RGS6: variants seen among roughly 807,000 people sequenced by gnomAD.
RGS6 encodes the protein regulator of G-protein signaling 6.
RGS6 carries 30 observed loss-of-function variants against 78.5 expected under a neutral mutation model. That is an observed-to-expected ratio of 0.38 (90% confidence interval 0.29 to 0.52). RGS6 has a LOEUF of 0.52. Among genes scored for constraint, RGS6 ranks in the 20% least tolerant of loss-of-function variants. The probability of loss-of-function intolerance (pLI) is 0.85; values close to 1 mark genes in which losing one functional copy is unlikely to be tolerated. For synonymous variants in RGS6, 206 were observed against 206.0 expected (o/e 1.00, Z 0.00); for missense variants, 495 against 609.7 (o/e 0.81, Z 1.98).
intron 2 of RGS6, among the ~76,000 whole-genome samples, chr14:72,016,522 C>T (rs187157543): frequency 7.9e-5 from 12 of 152,220 alleles, no homozygotes; most frequent in South Asian, 4.2e-4. Context: ...CCTGCCACCA[C>T]GCCCGGCTAA....
intron 2 of RGS6, among the ~76,000 whole-genome samples, chr14:72,069,163 G>A (rs944366112): frequency 3.3e-5 from 5 of 151,794 alleles, no homozygotes; most frequent in African/African-American, 1.2e-4. Context: ...AGTAGAGATG[G>A]GGTTTCACCA....
chr14:72,297,433 T>TATTATTATTA lies in RGS6; in HGVS notation c.85-54662_85-54661insATTATTATTA, dbSNP rs1390646561. ...GTATATATTATTATTATTATTATTT[T>TATTATTATTA]TTTTTTATACTTTAAGTTTTAGGGT... On this transcript the variant is annotated intron_variant, in intron 2 of 17. Transcript: ENST00000553525. Among the ~76,000 whole-genome samples, 115 of 146,972 alleles carry TATTATTATTA rather than the reference T, an allele frequency of 7.8e-4. 1 individual carries two copies. The highest frequency in any genetic ancestry group is 2.9e-3 in the African/African-American group (110 of 37,438).
the RGS6 span, among the ~76,000 whole-genome samples, chr14:72,592,667 G>T: frequency 1.3e-5 from 2 of 152,190 alleles, no homozygotes; most frequent in Admixed American, 1.3e-4. Flanking sequence ...TGTGCTGTGG[G>T]CCTCACCCTT....
chr14:72,334,435 C>G (rs548066135), intron 2 of RGS6, among the ~76,000 whole-genome samples: 6 of 152,188 alleles, frequency 3.9e-5, no homozygotes, highest in Non-Finnish European at 7.3e-5. Flanking sequence ...GGGCTCTGCT[C>G]CCTCCCTTCC....
intron 17 of RGS6, among the ~76,000 whole-genome samples, chr14:72,546,441 G>C (rs2097404643): frequency 6.6e-6 from 1 of 152,192 alleles, no homozygotes; most frequent in African/African-American, 2.4e-5. Flanking sequence ...GCCAGAAGTT[G>C]GTTGTCATTT....
the RGS6 span, among the ~76,000 whole-genome samples, chr14:71,926,585 GA>G: frequency 0.012 from 635 of 51,248 alleles, 5 homozygotes; most frequent in African/African-American, 0.034. Flanking sequence ...CTCTGTCTCA[GA>G]AAAAAAAAAA....
At chr14:72,383,213 T>TATATAC (rs1387301746) in intron 3 of RGS6, among the ~76,000 whole-genome samples, 6,156 of 117,610 alleles carry the variant, frequency 0.052, 441 homozygotes, top group Non-Finnish European at 0.061. Flanking sequence ...TATATATATA[T>TATATAC]ACACACAAAC....
At chr14:72,489,158 C>G (rs1004351034) in intron 12 of RGS6, among the ~76,000 whole-genome samples, 1 of 148,264 alleles carries the variant, frequency 6.7e-6, no homozygotes, top group African/African-American at 2.5e-5. Context: ...CAAAGGGGGC[C>G]CCCCCACCGG....
At chr14:72,605,737 C>A in the RGS6 span, among the ~76,000 whole-genome samples, 1 of 152,134 alleles carries the variant, frequency 6.6e-6, no homozygotes, top group Non-Finnish European at 1.5e-5. Context: ...AAGGGAGAAG[C>A]CCCAAGTGGA....
At chr14:72,420,132 GAAGT>G (rs776247143) in intron 3 of RGS6, among the ~76,000 whole-genome samples, 3 of 152,360 alleles carry the variant, frequency 2.0e-5, no homozygotes, top group South Asian at 4.1e-4. Flanking sequence ...GTTCGTGGCA[GAAGT>G]AAGTCTCAAA....
intron 2 of RGS6, among the ~76,000 whole-genome samples, chr14:72,175,279 A>G (rs1368604149): frequency 1.3e-5 from 2 of 152,188 alleles, no homozygotes; most frequent in Non-Finnish European, 2.9e-5. Context: ...GTATTCTAGC[A>G]TAAGAGAGGG....
chr14:71,952,335 T>C (rs2092400219), intron 1 of RGS6, among the ~76,000 whole-genome samples: 1 of 152,008 alleles, frequency 6.6e-6, no homozygotes, highest in African/African-American at 2.4e-5. Flanking sequence ...CATGAAGAGG[T>C]GTTGAATTTG....
intron 2 of RGS6, among the ~76,000 whole-genome samples, chr14:72,061,941 G>C (rs1182746818): frequency 6.6e-6 from 1 of 152,172 alleles, no homozygotes; most frequent in Admixed American, 6.5e-5. Flanking sequence ...CAATGCTGCT[G>C]GTACAGCAAG....
chr14:72,284,868 C>T (rs762192213), intron 2 of RGS6, among the ~76,000 whole-genome samples: 1 of 152,228 alleles, frequency 6.6e-6, no homozygotes, highest in Non-Finnish European at 1.5e-5. Flanking sequence ...TAGGAACCCA[C>T]CTCTTGCATC....
intron 2 of RGS6, among the ~76,000 whole-genome samples, chr14:72,262,206 G>T (rs1205710019): frequency 6.6e-6 from 1 of 152,164 alleles, no homozygotes; most frequent in East Asian, 1.9e-4. Context: ...TTGTCAATCT[G>T]GCTCCCTCAG....
intron 15 of RGS6, among the ~76,000 whole-genome samples, chr14:72,525,907 G>A (rs1242285820): frequency 2.0e-5 from 3 of 152,058 alleles, no homozygotes; most frequent in Admixed American, 6.6e-5. Context: ...GCAGAGGGAG[G>A]GATGCATTTT....
At chr14:72,269,266 C>G (rs2059554021) in intron 2 of RGS6, among the ~76,000 whole-genome samples, 1 of 152,200 alleles carries the variant, frequency 6.6e-6, no homozygotes, top group African/African-American at 2.4e-5. Context: ...GGCAGATAAA[C>G]CAGATCAGAC....
intron 2 of RGS6, among the ~76,000 whole-genome samples, chr14:72,200,349 T>G (rs1173808061): frequency 6.6e-6 from 1 of 152,094 alleles, no homozygotes; most frequent in Non-Finnish European, 1.5e-5. Flanking sequence ...CTTCATCATG[T>G]CTTTGCGTCA....
intron 13 of RGS6, among the ~76,000 whole-genome samples, chr14:72,504,824 G>T (rs760261151): frequency 3.3e-5 from 5 of 150,434 alleles, no homozygotes; most frequent in Non-Finnish European, 5.9e-5. Context: ...CGGGATCTCA[G>T]CTCACTGCAA....
Sources: gnomAD v4.1 joint callset for allele counts (sites outside exome capture counted in the v4.1 genomes callset) on GRCh38, gnomAD v4.1.1 for gene constraint, MANE v1.5 for transcripts, NCBI Gene and HGNC (gene_info 2026-07-23, HGNC 2026-07-21) for gene names.